Variants in NBAS observed in about 807,000 individuals in gnomAD.
NBAS encodes the protein NBAS subunit of NRZ tethering complex.
In NBAS, 219 loss-of-function variants were observed where a neutral mutation model predicts 302.5. The ratio of observed to expected loss-of-function variants is 0.72; its 90% CI spans 0.65 to 0.81. The LOEUF (loss-of-function observed/expected upper bound fraction) is 0.81, where lower values mean the gene tolerates loss of function less well. NBAS is among the 30% of genes least tolerant of loss of function. NBAS has a pLI of 0.00. For missense variants in NBAS, 2,932 were observed against 2,841.6 expected (o/e 1.03, Z -0.72); for synonymous variants, 1,118 against 1,021.6 (o/e 1.09, Z -1.80).
At chr2:15,522,041 G>A (rs1207549583) in intron 9 of NBAS, among the ~76,000 whole-genome samples, 1 of 152,136 alleles carries the variant, frequency 6.6e-6, no homozygotes, top group Non-Finnish European at 1.5e-5. Flanking sequence ...CAGATTAAAG[G>A]CCAAACCACA....
At chr2:14,872,945 G>A in the NBAS span, among the ~76,000 whole-genome samples, 1 of 152,220 alleles carries the variant, frequency 6.6e-6, no homozygotes, top group Non-Finnish European at 1.5e-5. Flanking sequence ...TTTGTGGTGA[G>A]TGTTGCAGCT....
At chr2:15,437,812 G>A (rs771036584) in intron 21 of NBAS, among the ~76,000 whole-genome samples, 1 of 152,042 alleles carries the variant, frequency 6.6e-6, no homozygotes, top group Non-Finnish European at 1.5e-5. Flanking sequence ...CACAAAAATA[G>A]ACCAGAAAAT....
intron 38 of NBAS, among the ~76,000 whole-genome samples, chr2:15,321,391 A>T (rs537380453): frequency 6.6e-6 from 1 of 152,318 alleles, no homozygotes; most frequent in South Asian, 2.1e-4. Flanking sequence ...CAAAATAGAC[A>T]AAGGGGATCT....
chr2:15,540,597 C>A (rs1558424453), intron 6 of NBAS, among the ~76,000 whole-genome samples: 1 of 152,108 alleles, frequency 6.6e-6, no homozygotes, highest in African/African-American at 2.4e-5. Flanking sequence ...AAAGGCCCTT[C>A]CCAAAAGGCC....
intron 25 of NBAS, among the ~76,000 whole-genome samples, chr2:15,410,181 C>T (rs909106247): frequency 6.6e-6 from 1 of 152,162 alleles, no homozygotes; most frequent in Non-Finnish European, 1.5e-5. Flanking sequence ...ATATAGAAGT[C>T]TTATTTCTTC....
chr2:15,034,027 G>GA, the NBAS span, among the ~76,000 whole-genome samples: 2,890 of 63,536 alleles, frequency 0.045, 144 homozygotes, highest in Non-Finnish European at 0.05. Context: ...AGAAGAAGAA[G>GA]AGGAGGAGGA....
At chr2:15,217,706 A>C (rs568859570) in intron 48 of NBAS, among the ~76,000 whole-genome samples, 1 of 152,346 alleles carries the variant, frequency 6.6e-6, no homozygotes, top group Admixed American at 6.5e-5. Context: ...TTAGAATTTA[A>C]GCCAAATTTC....
chr2:15,437,181 G>A (rs886327027), intron 21 of NBAS, among the ~76,000 whole-genome samples: 3 of 152,180 alleles, frequency 2.0e-5, no homozygotes, highest in Middle Eastern at 3.4e-3. Flanking sequence ...GCACTTATGA[G>A]TACAAAGAGA....
chr2:15,314,608 T>A (rs1382694019), intron 38 of NBAS, among the ~76,000 whole-genome samples: 1 of 152,120 alleles, frequency 6.6e-6, no homozygotes, highest in Non-Finnish European at 1.5e-5. Flanking sequence ...CAGCTGAAAG[T>A]AAAAGAATTC....
At chr2:15,165,727 A>G (rs970435056), downstream of NBAS, among the ~76,000 whole-genome samples, 1 of 152,304 alleles carries the variant, frequency 6.6e-6, no homozygotes, top group Non-Finnish European at 1.5e-5. Context: ...TATGTTAAAG[A>G]CCACCAGGGA....
At chr2:14,846,175 A>G in the NBAS span, among the ~76,000 whole-genome samples, 1 of 152,186 alleles carries the variant, frequency 6.6e-6, no homozygotes, top group East Asian at 1.9e-4. Flanking sequence ...GAAACTAATA[A>G]CATACACTAC....
chr2:14,931,742 C>T, the NBAS span, among the ~76,000 whole-genome samples: 36 of 152,194 alleles, frequency 2.4e-4, no homozygotes, highest in African/African-American at 2.9e-4. Context: ...GAGGCCCCAA[C>T]AGGATTCCAC....
intron 48 of NBAS, among the ~76,000 whole-genome samples, chr2:15,195,991 G>A (rs1307910476): frequency 6.6e-6 from 1 of 152,240 alleles, no homozygotes; most frequent in Non-Finnish European, 1.5e-5. Flanking sequence ...GCATGCCAAT[G>A]TGTAAATCCC....
chr2:15,376,146 T>C lies in NBAS; in HGVS notation c.3591-1426A>G, dbSNP rs545612194. Among the ~76,000 whole-genome samples, 61 of 152,318 alleles carry C rather than the reference T, an allele frequency of 4.0e-4. No homozygotes were observed. The South Asian group carries it at 9.5e-3, about 24-fold the overall frequency. On this transcript the variant is annotated intron_variant, in intron 30 of 51. Transcript: ENST00000281513. Reference sequence around the variant, plus strand: ...TATCTATTGCTTCCTCAACAATTTATTTATAAAGAGTTTATAAATAACTCT... The same window carrying C: ...TATCTATTGCTTCCTCAACAATTTACTTATAAAGAGTTTATAAATAACTCT...
At chr2:15,551,676 T>C (rs533809098) in intron 5 of NBAS, 140 bp from the exon 6 acceptor site, 1 of 613,836 alleles carries the variant, frequency 1.6e-6, no homozygotes, top group South Asian at 2.3e-5. Context: ...TGTGGCTCAA[T>C]TATGACCCTT....
At chr2:15,020,529 A>C in the NBAS span, among the ~76,000 whole-genome samples, 1 of 152,318 alleles carries the variant, frequency 6.6e-6, no homozygotes, top group Non-Finnish European at 1.5e-5. Flanking sequence ...ATCCCAAAGG[A>C]AGAGCAAAGG....
the NBAS span, among the ~76,000 whole-genome samples, chr2:15,142,428 T>G: frequency 6.6e-6 from 1 of 152,242 alleles, no homozygotes; most frequent in African/African-American, 2.4e-5. Context: ...ATAAGGTTCC[T>G]GCAGATGACG....
intron 6 of NBAS, among the ~76,000 whole-genome samples, chr2:15,543,102 C>A (rs1479705045): frequency 6.6e-6 from 1 of 152,190 alleles, no homozygotes; most frequent in Admixed American, 6.5e-5. Context: ...GAAAAGTATG[C>A]AAGAAACACT....
intron 42 of NBAS, among the ~76,000 whole-genome samples, chr2:15,285,808 C>G (rs751514407): frequency 6.6e-6 from 1 of 152,134 alleles, no homozygotes. Flanking sequence ...GTGCCTGCCA[C>G]CATACTCAGC....
Sources: allele counts gnomAD v4.1 joint callset (sites outside exome capture counted in the v4.1 genomes callset), GRCh38; gene constraint gnomAD v4.1.1; transcripts MANE v1.5; gene names NCBI Gene and HGNC (gene_info 2026-07-23, HGNC 2026-07-21).